ZMYND8: variants seen among roughly 807,000 people sequenced by gnomAD.
ZMYND8 encodes zinc finger MYND-type containing 8.
In ZMYND8, 37 loss-of-function variants were observed where a neutral mutation model predicts 140.8. That is an observed-to-expected ratio of 0.26 (90% CI 0.20 to 0.35). ZMYND8 has a LOEUF of 0.35. ZMYND8 is among the 10% of genes least tolerant of loss of function. The pLI is 1.00. For synonymous variants in ZMYND8, 592 were observed against 597.1 expected (o/e 0.99, Z 0.12); for missense variants, 1,068 against 1,570.0 (o/e 0.68, Z 5.40).
intron 16 of ZMYND8, among the ~76,000 whole-genome samples, chr20:47,230,093 A>G (rs573058940): frequency 6.6e-6 from 1 of 152,340 alleles, no homozygotes; most frequent in South Asian, 2.1e-4. Flanking sequence ...CTACGAGCCC[A>G]AAATGTCACT....
At chr20:47,274,693 A>G (rs3810525) in intron 11 of ZMYND8, among the ~76,000 whole-genome samples, 43,968 of 152,108 alleles carry the variant, frequency 0.29, 6,452 homozygotes, top group Non-Finnish European at 0.33. Flanking sequence ...AGGACCACAC[A>G]GCTATGAATC....
intron 3 of ZMYND8, among the ~76,000 whole-genome samples, chr20:47,301,435 T>C (rs1044424536): frequency 3.3e-5 from 5 of 152,054 alleles, no homozygotes; most frequent in African/African-American, 1.2e-4. Flanking sequence ...GGATTACAGG[T>C]GTTGGCCACT....
At chr20:47,342,969 A>T (rs1333758777) in intron 2 of ZMYND8, among the ~76,000 whole-genome samples, 1 of 151,894 alleles carries the variant, frequency 6.6e-6, no homozygotes, top group Non-Finnish European at 1.5e-5. Context: ...AGAAGACAAG[A>T]AAGTGCTCAA....
rs1440073046 is a variant in ZMYND8 at position 47,293,948 on chromosome 20, C to A, written c.567+718G>T. 3.9e-5 allele frequency among the ~76,000 whole-genome samples: 6 copies of A among 152,170 alleles called. No individual in the cohort carries two copies. In the South Asian group the frequency reaches 8.3e-4, roughly 21 times the overall value. On this transcript the variant is annotated intron_variant, in intron 5 of 22. Transcript: ENST00000471951. Reference sequence around the variant, plus strand: ...AAAAGTGTTTGGCACTTCCCACCCCCCTTCTCCTGCTGCCATGTAAAACGT... The same window carrying A: ...AAAAGTGTTTGGCACTTCCCACCCCACTTCTCCTGCTGCCATGTAAAACGT...
Position 47,229,737 on chromosome 20 carries a change from T to G in ZMYND8, c.2926A>C (p.Thr976Pro), listed in dbSNP as rs1347599838. 1 of 1,613,556 alleles carries G rather than the reference T, an allele frequency of 6.2e-7. No homozygotes were observed. The highest frequency in any genetic ancestry group is 1.7e-5 in the Admixed American group (1 of 59,852). ...NDLSKNTTGS[T>P]IAEIRRLRIE... The stretch of plus-strand genomic sequence containing the variant: ...GTGTCATCTCTGACCTCAGCTATTG[T>G]GCTTCCAGTAGTGTTTTTAGAAAGA... Residue 976 changes from threonine (T) to proline (P), a missense_variant, in exon 17 of 23, where the codon ACA becomes CCA. Physicochemically the swap from Thr to Pro is conservative, Grantham distance 38. Coordinates refer to ENST00000471951, the MANE Select transcript of ZMYND8 (RefSeq NM_001281775.3).
rs535558233 is a variant in ZMYND8, at chr20:47,338,181, T to G, written c.85+9675A>C. Among the ~76,000 whole-genome samples, 9 of 152,224 alleles carry G rather than the reference T, an allele frequency of 5.9e-5. No homozygotes were observed. The South Asian group carries it at 1.9e-3, about 32-fold the overall frequency. ...TTGGTGGGTCCAGGTGTCCAGGATA[T>G]TAGCCCTTCCCTGGCCAGAGACGTG... On this transcript the variant is annotated intron_variant, in intron 2 of 22. Coordinates refer to ENST00000471951, the MANE Select transcript of ZMYND8 (RefSeq NM_001281775.3).
intron 2 of ZMYND8, among the ~76,000 whole-genome samples, chr20:47,312,173 G>A (rs556408873): frequency 6.6e-6 from 1 of 152,290 alleles, no homozygotes; most frequent in African/African-American, 2.4e-5. Context: ...TAGGCTGCAT[G>A]GTGCATCTGT....
At chr20:47,348,371 C>A (rs371852335) in intron 1 of ZMYND8, 1 of 179,758 alleles carries the variant, frequency 5.6e-6, no homozygotes, top group Non-Finnish European at 1.2e-5. Flanking sequence ...CACACCTCCC[C>A]CTAAATCTTA....
chr20:47,309,325 G>C (rs1191877593), intron 3 of ZMYND8, among the ~76,000 whole-genome samples: 1 of 147,856 alleles, frequency 6.8e-6, no homozygotes, highest in African/African-American at 2.5e-5. Flanking sequence ...TTTTTTTTCT[G>C]AGATAGAGTC....
At chr20:47,265,063 T>TAC (rs1187643601) in intron 11 of ZMYND8, among the ~76,000 whole-genome samples, 1 of 148,664 alleles carries the variant, frequency 6.7e-6, no homozygotes, top group Non-Finnish European at 1.5e-5. Flanking sequence ...CATATATATA[T>TAC]ATATAGGCAT....
chr20:47,318,668 CG>C (rs1362448633), intron 2 of ZMYND8: 5 of 453,358 alleles, frequency 1.1e-5, no homozygotes, highest in African/African-American at 1.0e-4. Context: ...CACAGAAACT[CG>C]AGGACCGGTC....
Position 47,347,943 on chromosome 20 carries a change from T to C in ZMYND8, c.15-17A>G. On this transcript the variant is annotated splice_polypyrimidine_tract_variant and intron_variant, in intron 1 of 22. Coordinates refer to ENST00000471951, the MANE Select transcript of ZMYND8 (RefSeq NM_001281775.3). ...TCAGCCAAGCTGAAACAGAGCAAATTATGTTCATGTTTAGGAAGGCTGAGA... is the reference window on the plus strand; with the variant it reads ...TCAGCCAAGCTGAAACAGAGCAAATCATGTTCATGTTTAGGAAGGCTGAGA... The C allele has an allele frequency of 8.7e-6, 14 of 1,613,324 alleles. No individual in the cohort carries two copies. Among genetic ancestry groups the C allele is most frequent in the African/African-American group, 1.3e-5 (1 of 75,054 alleles).
intron 18 of ZMYND8, among the ~76,000 whole-genome samples, chr20:47,226,919 C>A (rs1209341416): frequency 6.6e-6 from 1 of 152,164 alleles, no homozygotes; most frequent in East Asian, 1.9e-4. Flanking sequence ...ATCTGGGCCT[C>A]CCAAAGCGCT....
chr20:47,345,728 C>T (rs541160347), intron 2 of ZMYND8, among the ~76,000 whole-genome samples: 2 of 151,726 alleles, frequency 1.3e-5, no homozygotes, highest in South Asian at 4.2e-4. Context: ...AGGCTGGTCT[C>T]GAACTCCTGA....
intron 11 of ZMYND8, among the ~76,000 whole-genome samples, chr20:47,269,631 C>T (rs904165061): frequency 6.6e-6 from 1 of 152,186 alleles, no homozygotes; most frequent in African/African-American, 2.4e-5. Context: ...AAAATCCTGG[C>T]CTGCGTGAAG....
chr20:47,353,150 T>C (rs1159102059), intron 1 of ZMYND8: 2 of 152,172 alleles, frequency 1.3e-5, no homozygotes, highest in Non-Finnish European at 2.9e-5. Flanking sequence ...AACCTACCTT[T>C]GCCTCCAGGG....
intron 2 of ZMYND8, among the ~76,000 whole-genome samples, chr20:47,343,396 A>C (rs1012402168): frequency 9.2e-5 from 14 of 152,224 alleles, no homozygotes; most frequent in Non-Finnish European, 1.2e-4. Flanking sequence ...TAAAATAAAT[A>C]AGTAGTATTG....
Position 47,356,637 on chromosome 20 carries a change from G to T in ZMYND8, c.14+20C>A. 1 of 1,614,138 alleles carries T rather than the reference G, an allele frequency of 6.2e-7. No individual in the cohort carries two copies. Among genetic ancestry groups the T allele is most frequent in the Admixed American group, 1.7e-5 (1 of 60,026 alleles). ...TCTCAGAGGGAGGGGGAAAAAAGAT[G>T]GTTAAAAAGTCGAGCTTACCTCTGT... is the stretch of plus-strand genomic sequence containing the variant. On this transcript the variant is annotated intron_variant, in intron 1 of 22. Transcript: ENST00000471951.
At chr20:47,244,993 G>A (rs1280808879) in intron 14 of ZMYND8, among the ~76,000 whole-genome samples, 2 of 152,040 alleles carry the variant, frequency 1.3e-5, no homozygotes, top group African/African-American at 4.8e-5. Context: ...GGAGGCGGAG[G>A]TTGCAGTCAG....
Sources: gnomAD v4.1 joint callset for allele counts (sites outside exome capture counted in the v4.1 genomes callset) on GRCh38, gnomAD v4.1.1 for gene constraint, MANE v1.5 for transcripts, NCBI Gene and HGNC (gene_info 2026-07-23, HGNC 2026-07-21) for gene names.